HERC2: variants seen among roughly 807,000 people sequenced by gnomAD.
HERC2 encodes the protein E3 ubiquitin-protein ligase HERC2.
HERC2 carries 102 observed loss-of-function variants against 537.7 expected under a neutral mutation model. The observed-to-expected ratio is 0.19, with a 90% CI of 0.16 to 0.22. The LOEUF (loss-of-function observed/expected upper bound fraction) is 0.22, where lower values mean the gene tolerates loss of function less well. HERC2 is among the 10% of genes least tolerant of loss of function. The pLI, the probability that HERC2 is intolerant of heterozygous loss-of-function variation, is 1.00. For synonymous variants in HERC2, 2,224 were observed against 2,466.2 expected (o/e 0.90, Z 2.91); for missense variants, 4,236 against 6,198.2 (o/e 0.68, Z 10.63).
At chr15:28,222,424 G>A (rs1379406537) in intron 35 of HERC2, among the ~76,000 whole-genome samples, 1 of 151,926 alleles carries the variant, frequency 6.6e-6, no homozygotes, top group Admixed American at 6.6e-5. Context: ...ATCCTAGGAA[G>A]ATATAAAAGA....
chr15:28,128,999 GC>G (rs1412143668), intron 83 of HERC2, among the ~76,000 whole-genome samples: 1 of 152,142 alleles, frequency 6.6e-6, no homozygotes, highest in Admixed American at 6.6e-5. Flanking sequence ...TGACTCTTCT[GC>G]CTCCTTTTCT....
chr15:28,281,889 A>G (rs1389426148), intron 4 of HERC2, among the ~76,000 whole-genome samples: 1 of 151,854 alleles, frequency 6.6e-6, no homozygotes, highest in Non-Finnish European at 1.5e-5. Context: ...TAAATAATAC[A>G]TCTCCCTTCT....
intron 6 of HERC2, 128 bp downstream of exon 6, chr15:28,274,777 G>C: frequency 1.3e-6 from 1 of 742,226 alleles, no homozygotes; most frequent in African/African-American, 1.7e-5. Context: ...CATCTCACAA[G>C]CAAGGAAACT....
Position 28,224,441 on chromosome 15 carries a change from C to T in HERC2, c.5465-2226G>A, listed in dbSNP as rs187540211. 2.8e-3 allele frequency among the ~76,000 whole-genome samples: 429 copies of T among 152,258 alleles called. 3 individuals carry two copies. Among genetic ancestry groups the T allele is most frequent in the African/African-American group, 9.8e-3 (406 of 41,554 alleles). On this transcript the variant is annotated intron_variant, in intron 35 of 92. Transcript: ENST00000261609. ...TTCTCTATGTTGCCCAAGTTGGTCT[C>T]AAACTCCTGAGCTCAAGCGACCCAC...
chr15:28,230,790 A>T (rs138980831), intron 30 of HERC2, among the ~76,000 whole-genome samples: 8,790 of 149,884 alleles, frequency 0.059, 662 homozygotes, highest in East Asian at 0.39. Flanking sequence ...CAGGCCATGC[A>T]GTCTGTCGCA....
In HERC2 at chr15:28,265,132, T is replaced by A. The variant is rs2075526193; in HGVS notation, c.1870+486A>T. On this transcript the variant is annotated intron_variant, in intron 14 of 92. Coordinates refer to ENST00000261609, the MANE Select transcript of HERC2 (RefSeq NM_004667.6). The surrounding 1 kb of genome is among the most constrained non-coding windows in gnomAD (Gnocchi z 4.0). ...CCACAATACTGAAAGACGAGTCATTTCTAAAATATTAACATGACTTTAACC... is the reference window on the plus strand; with the variant it reads ...CCACAATACTGAAAGACGAGTCATTACTAAAATATTAACATGACTTTAACC... 6.6e-6 allele frequency among the ~76,000 whole-genome samples: 1 copy of A among 152,054 alleles called. No homozygotes were observed. Among genetic ancestry groups the A allele is most frequent in the African/African-American group, 2.4e-5 (1 of 41,400 alleles).
At chr15:28,192,822 G>T (rs1896974542) in intron 52 of HERC2, among the ~76,000 whole-genome samples, 1 of 152,146 alleles carries the variant, frequency 6.6e-6, no homozygotes, top group East Asian at 1.9e-4. Context: ...ATGGGGTCCA[G>T]AAAGACCAGG....
intron 65 of HERC2, among the ~76,000 whole-genome samples, chr15:28,173,363 T>C (rs112398965): frequency 0.023 from 3,524 of 150,966 alleles, 132 homozygotes; most frequent in African/African-American, 0.08. Context: ...CATTTGTTTA[T>C]CTTAAGATAC....
intron 2 of HERC2, among the ~76,000 whole-genome samples, chr15:28,301,328 T>C (rs2076617300): frequency 6.6e-6 from 1 of 151,654 alleles, no homozygotes; most frequent in Non-Finnish European, 1.5e-5. Flanking sequence ...GGCAGGAGAA[T>C]AGCCTGAACC....
chr15:28,161,723 T>C (rs1263474251), intron 69 of HERC2, among the ~76,000 whole-genome samples: 1 of 152,186 alleles, frequency 6.6e-6, no homozygotes, highest in Admixed American at 6.5e-5. Context: ...TCCAGAACAT[T>C]TCCACAATGA....
intron 3 of HERC2, among the ~76,000 whole-genome samples, chr15:28,295,308 T>TGGGGGGGGGGGGGGG (rs3079935): frequency 2.5e-5 from 2 of 79,622 alleles, no homozygotes; most frequent in Admixed American, 1.5e-4. Context: ...TACATGTGTG[T>TGGGGGGGGGGGGGGG]GGGGGGGGGG....
intron 38 of HERC2, among the ~76,000 whole-genome samples, chr15:28,216,335 G>C (rs971531460): frequency 8.8e-5 from 13 of 147,658 alleles, no homozygotes; most frequent in African/African-American, 3.3e-4. Context: ...TGTATTTTTA[G>C]TAGAGACAGT....
rs555825051 is a variant in HERC2, at chr15:28,115,416, C to A, written c.13722+13G>T. 4 of 1,601,426 alleles carry A rather than the reference C, an allele frequency of 2.5e-6. No individual in the cohort carries two copies. The African/African-American group carries it at 5.4e-5, about 21-fold the overall frequency. ...AGACCCTAGAGGCCCCGCCTGCCGC[C>A]CCAGGGAGTTACCTCACTGAGGTCC... On this transcript the variant is annotated intron_variant, in intron 89 of 92. Coordinates refer to ENST00000261609, the MANE Select transcript of HERC2 (RefSeq NM_004667.6).
rs959476235 is a variant in HERC2, at chr15:28,230,285, T to C, written c.4809+82A>G. 1.6e-5 allele frequency: 22 copies of C among 1,398,264 alleles called. 2 individuals are homozygous for C. The African/African-American group carries it at 3.1e-4, about 20-fold the overall frequency. The allele number at this position is 1,398,264 out of a possible 1,614,324, so 86.6% of individuals were successfully genotyped here. A position where few individuals can be genotyped will look rare whatever the true frequency, so the allele number is the denominator to read the frequency against. On this transcript the variant is annotated intron_variant, in intron 31 of 92. Coordinates refer to ENST00000261609, the MANE Select transcript of HERC2 (RefSeq NM_004667.6). ...ACAACCGCCCGTCCCTCCCTCCAGATGCTCAGGACAAGACTGTGGATTCCT... is the reference window on the plus strand; with the variant it reads ...ACAACCGCCCGTCCCTCCCTCCAGACGCTCAGGACAAGACTGTGGATTCCT...
intron 2 of HERC2, among the ~76,000 whole-genome samples, chr15:28,316,566 T>C (rs555173696): frequency 8.8e-4 from 134 of 152,296 alleles, no homozygotes; most frequent in African/African-American, 3.2e-3. Flanking sequence ...TCATGGAATT[T>C]TGAAAACAAA....
intron 64 of HERC2, 72 bp downstream of exon 64, chr15:28,175,440 A>G: frequency 7.1e-7 from 1 of 1,405,042 alleles, no homozygotes; most frequent in Non-Finnish European, 9.9e-7. Flanking sequence ...CAACAGGACG[A>G]AGGCCGTGTC....
At chr15:28,136,060 C>A (rs1890601411) in intron 78 of HERC2, among the ~76,000 whole-genome samples, 1 of 150,172 alleles carries the variant, frequency 6.7e-6, no homozygotes, top group Admixed American at 6.7e-5. Flanking sequence ...AAAACATACC[C>A]ATAAAAGAAC....
intron 23 of HERC2, among the ~76,000 whole-genome samples, chr15:28,240,063 T>TAA (rs1902901129): frequency 6.6e-6 from 1 of 151,900 alleles, no homozygotes. Flanking sequence ...GGTTTTTTTT[T>TAA]AAATCCTTAT....
chr15:28,304,174 A>AAC (rs2076713717), intron 2 of HERC2, among the ~76,000 whole-genome samples: 1 of 150,166 alleles, frequency 6.7e-6, no homozygotes, highest in Non-Finnish European at 1.5e-5. Context: ...TCAAAAAAAA[A>AAC]AAAAAAAAAA....
Sources: gnomAD v4.1 joint callset for allele counts (sites outside exome capture counted in the v4.1 genomes callset) on GRCh38, gnomAD v4.1.1 for gene constraint, Gnocchi (gnomAD v3.1) non-coding constraint, MANE v1.5 for transcripts, NCBI Gene and HGNC (gene_info 2026-07-23, HGNC 2026-07-21) for gene names.